Variants in MCEMP1 observed in about 807,000 individuals in gnomAD.
MCEMP1 encodes the protein mast cell expressed membrane protein 1.
Under a neutral mutation model 27.9 loss-of-function variants are expected in MCEMP1, and 17 were observed. The observed-to-expected ratio is 0.61, with a 90% confidence interval of 0.42 to 0.91. The LOEUF (loss-of-function observed/expected upper bound fraction) is 0.91, where lower values mean the gene tolerates loss of function less well. MCEMP1 is among the 40% of genes least tolerant of loss of function. MCEMP1 has a pLI of 0.00. For missense variants in MCEMP1, 200 were observed against 204.8 expected (o/e 0.98, Z 0.14); for synonymous variants, 88 against 76.9 (o/e 1.14, Z -0.76).
rs1020788414 is a variant in MCEMP1 at position 7,679,320 on chromosome 19, G to A, written c.*206G>A. On this transcript the variant is annotated 3_prime_UTR_variant, in exon 7 of 7. Coordinates refer to ENST00000333598, the MANE Select transcript of MCEMP1 (RefSeq NM_174918.3). The surrounding 1 kb of genome is among the most constrained non-coding windows in gnomAD (Gnocchi z 4.9). ...TGCGTGCGTGTGTGTGCGTGTGTGC[G>A]CGTGTGTTCGTGTATGTGCGTGTGT... The A allele has an allele frequency of 5.2e-5, 33 of 637,810 alleles. No homozygotes were observed. Among genetic ancestry groups the A allele is most frequent in the African/African-American group, 1.8e-4 (10 of 54,148 alleles). The allele number at this position is 637,810 out of a possible 1,614,324, so 39.5% of individuals were successfully genotyped here. A position where few individuals can be genotyped will look rare whatever the true frequency, so the allele number is the denominator to read the frequency against.
chr19:7,678,897 T>TACCAC lies in MCEMP1; in HGVS notation c.449-27_449-26insACCAC. The TACCAC allele has an allele frequency of 9.1e-6, 9 of 993,956 alleles. No homozygotes were observed. The highest frequency in any genetic ancestry group is 1.4e-5 in the Non-Finnish European group (9 of 644,788). The allele number at this position is 993,956 out of a possible 1,614,324, so 61.6% of individuals were successfully genotyped here. On this transcript the variant is annotated intron_variant, in intron 5 of 6. Transcript: ENST00000333598. The surrounding 1 kb of genome is among the most constrained non-coding windows in gnomAD (Gnocchi z 4.8). Reference sequence around the variant, plus strand: ...CTCCACCGCAGCTTGACTTATCTGTTCCCACCCAACCCTCCCCGCCCCCTA... The same window carrying TACCAC: ...CTCCACCGCAGCTTGACTTATCTGTTACCACCCCACCCAACCCTCCCCGCCCCCTA...
rs868002202 is a variant in MCEMP1 at position 7,679,195 on chromosome 19, C to A, written c.*81C>A. ...CCAACGAAGACGGGAAATGACCCCCCCCCCCCAGCCTAGTGTGAACCTGCC... is the reference window on the plus strand; with the variant it reads ...CCAACGAAGACGGGAAATGACCCCCACCCCCCAGCCTAGTGTGAACCTGCC... On this transcript the variant is annotated 3_prime_UTR_variant, in exon 7 of 7. Transcript: ENST00000333598. This position sits in a 1 kb window ranked among gnomAD's most constrained non-coding sequence, Gnocchi z 4.9. 6.3e-6 allele frequency: 9 copies of A among 1,424,286 alleles called. No homozygotes were observed. The highest frequency in any genetic ancestry group is 1.4e-5 in the African/African-American group (1 of 69,942). The allele number at this position is 1,424,286 out of a possible 1,614,324, so 88.2% of individuals were successfully genotyped here. A position where few individuals can be genotyped will look rare whatever the true frequency, so the allele number is the denominator to read the frequency against.
chr19:7,679,085 TC>T lies in MCEMP1; in HGVS notation c.509-9del. 6.2e-7 allele frequency: 1 copy of T among 1,607,128 alleles called. No individual in the cohort carries two copies. Among genetic ancestry groups the T allele is most frequent in the Non-Finnish European group, 8.5e-7 (1 of 1,176,496 alleles). ...CGGGATCTGCCTCACTGTGGGTCTC[TC>T]CCCATCCCCAGAGTCCTCACCTCAA... On this transcript the variant is annotated splice_polypyrimidine_tract_variant and intron_variant, in intron 6 of 6. Transcript: ENST00000333598. This position sits in a 1 kb window ranked among gnomAD's most constrained non-coding sequence, Gnocchi z 4.9.
In MCEMP1 at chr19:7,678,449, G is replaced by C; in HGVS notation, c.335-42G>C. Reference sequence around the variant, plus strand: ...CCCGTGGGGTCATGGTGGGGGTCTGGAGAGGGATGGATGCACAGACACCCC... The same window carrying C: ...CCCGTGGGGTCATGGTGGGGGTCTGCAGAGGGATGGATGCACAGACACCCC... On this transcript the variant is annotated intron_variant, in intron 4 of 6. Transcript: ENST00000333598. This position sits in a 1 kb window ranked among gnomAD's most constrained non-coding sequence, Gnocchi z 4.8. 1 of 1,613,748 alleles carries C rather than the reference G, an allele frequency of 6.2e-7. No homozygotes were observed. Among genetic ancestry groups the C allele is most frequent in the Admixed American group, 1.7e-5 (1 of 60,010 alleles).
Position 7,678,275 on chromosome 19 carries a change from C to T in MCEMP1, c.283+34C>T. On this transcript the variant is annotated intron_variant, in intron 3 of 6. Coordinates refer to ENST00000333598, the MANE Select transcript of MCEMP1 (RefSeq NM_174918.3). This position sits in a 1 kb window ranked among gnomAD's most constrained non-coding sequence, Gnocchi z 4.8. ...TTCTTGGGAGGAGGGTGCTGGGGGG[C>T]CTAGACTTTCTCCCTTGTCCTTCTC... The T allele has an allele frequency of 6.2e-7, 1 of 1,613,778 alleles. No individual in the cohort carries two copies. The highest frequency in any genetic ancestry group is 1.1e-5 in the South Asian group (1 of 91,074).
Position 7,677,792 on chromosome 19 carries a change from A to G in MCEMP1, c.145+66A>G, listed in dbSNP as rs2032569932. 14 of 1,431,864 alleles carry G rather than the reference A, an allele frequency of 9.8e-6. No homozygotes were observed. Among genetic ancestry groups the G allele is most frequent in the African/African-American group, 1.4e-5 (1 of 69,850 alleles). The allele number at this position is 1,431,864 out of a possible 1,614,324, so 88.7% of individuals were successfully genotyped here. A position where few individuals can be genotyped will look rare whatever the true frequency, so the allele number is the denominator to read the frequency against. ...AAGGGGCAGGTGGGCGGGCAACTGC[A>G]GGGCCCCCGGGGCTGCGTGGAAGGG... On this transcript the variant is annotated intron_variant, in intron 2 of 6. Transcript: ENST00000333598. The surrounding 1 kb of genome is among the most constrained non-coding windows in gnomAD (Gnocchi z 4.6).
chr19:7,678,910 T>G lies in MCEMP1; in HGVS notation c.449-14T>G. 3 of 715,136 alleles carry G rather than the reference T, an allele frequency of 4.2e-6. No individual in the cohort carries two copies. The highest frequency in any genetic ancestry group is 6.6e-6 in the Non-Finnish European group (3 of 453,336). 44.3% of individuals were successfully genotyped at this position (715,136 alleles called of 1,614,324 possible). ...TGACTTATCTGTTCCCACCCAACCC[T>G]CCCCGCCCCCTAGGCATAAAAAACA... On this transcript the variant is annotated splice_polypyrimidine_tract_variant and intron_variant, in intron 5 of 6. Transcript: ENST00000333598. This position sits in a 1 kb window ranked among gnomAD's most constrained non-coding sequence, Gnocchi z 4.8.
chr19:7,678,859 G>C lies in MCEMP1; in HGVS notation c.449-65G>C, dbSNP rs1231672302. On this transcript the variant is annotated intron_variant, in intron 5 of 6. Transcript: ENST00000333598. This position sits in a 1 kb window ranked among gnomAD's most constrained non-coding sequence, Gnocchi z 4.8. ...GGGGGTGCTTCCAAGGAAGGTGGGG[G>C]CTTTGTTTGAGGCTCCACCGCAGCT... 5 of 1,447,306 alleles carry C rather than the reference G, an allele frequency of 3.5e-6. No homozygotes were observed. Among genetic ancestry groups the C allele is most frequent in the African/African-American group, 2.8e-5 (2 of 70,814 alleles). 89.7% of individuals were successfully genotyped at this position (1,447,306 alleles called of 1,614,324 possible).
In MCEMP1 at chr19:7,678,508, G is replaced by A. The variant is rs200077204; in HGVS notation, c.352G>A (p.Ala118Thr). Reference protein sequence around the residue: ...ELWNVSNSVQACEERQKRGWD... With the variant: ...ELWNVSNSVQTCEERQKRGWD... The stretch of plus-strand genomic sequence containing the variant: ...GCCCTCAGTCTCAAACTCCGTACAA[G>A]CATGCGAAGAGAGACAGAAGAGAGG... The change falls in exon 5 of 7, where the codon GCA becomes ACA. Residue 118 changes from alanine to threonine, a missense_variant. Transcript: ENST00000333598. The surrounding 1 kb of genome is among the most constrained non-coding windows in gnomAD (Gnocchi z 4.8). The A allele has an allele frequency of 1.4e-4, 221 of 1,614,004 alleles. No individual in the cohort carries two copies. Among genetic ancestry groups the A allele is most frequent in the Non-Finnish European group, 1.7e-4 (206 of 1,180,026 alleles).
chr19:7,677,190 G>C lies in MCEMP1; in HGVS notation c.55+15G>C. The stretch of plus-strand genomic sequence containing the variant: ...CAAGAATCAAGGTTAGGGAACTCGA[G>C]GTGGAAGGGAGGGGTTAAGAAGGAG... On this transcript the variant is annotated intron_variant, in intron 1 of 6. Transcript: ENST00000333598. The surrounding 1 kb of genome is among the most constrained non-coding windows in gnomAD (Gnocchi z 4.6). 1 of 1,570,256 alleles carries C rather than the reference G, an allele frequency of 6.4e-7. No homozygotes were observed. Among genetic ancestry groups the C allele is most frequent in the South Asian group, 1.2e-5 (1 of 85,844 alleles).
Position 7,677,606 on chromosome 19 carries a change from G to A in MCEMP1, c.56-31G>A, listed in dbSNP as rs989750267. 4 of 1,571,908 alleles carry A rather than the reference G, an allele frequency of 2.5e-6. No homozygotes were observed. The Admixed American group carries it at 6.7e-5, about 26-fold the overall frequency. On this transcript the variant is annotated intron_variant, in intron 1 of 6. Transcript: ENST00000333598. This position sits in a 1 kb window ranked among gnomAD's most constrained non-coding sequence, Gnocchi z 4.6. ...TCCCGGATCCACTCTCCACACCACA[G>A]AGCTCTGAGCAGATCTCCAACCCCT... is the stretch of plus-strand genomic sequence containing the variant.
Sources: gnomAD v4.1 joint callset for allele counts on GRCh38, gnomAD v4.1.1 for gene constraint, Gnocchi (gnomAD v3.1) non-coding constraint, MANE v1.5 for transcripts, NCBI Gene and HGNC (gene_info 2026-07-23, HGNC 2026-07-21) for gene names.